KLHL3: variants seen among roughly 807,000 people sequenced by gnomAD.
The protein encoded by KLHL3 is kelch-like protein 3.
Under a neutral mutation model 70.5 loss-of-function variants are expected in KLHL3, and 19 were observed. The ratio of observed to expected loss-of-function variants is 0.27; its 90% CI spans 0.19 to 0.40. The LOEUF is 0.40. Among genes scored for constraint, KLHL3 ranks in the 10% least tolerant of loss-of-function variants. The pLI is 1.00. For missense variants in KLHL3, 512 were observed against 771.1 expected (o/e 0.66, Z 3.98); for synonymous variants, 258 against 290.3 (o/e 0.89, Z 1.13).
At chr5:137,643,180 G>A (rs143779173) in intron 8 of KLHL3, among the ~76,000 whole-genome samples, 1,691 of 151,864 alleles carry the variant, frequency 0.011, 17 homozygotes, top group Admixed American at 0.017. Context: ...GTGAAACCCC[G>A]TCTCTACAAA....
chr5:137,691,008 T>C (rs918324871), intron 5 of KLHL3, among the ~76,000 whole-genome samples: 3 of 152,206 alleles, frequency 2.0e-5, no homozygotes, highest in African/African-American at 7.2e-5. Context: ...CAAGTGGCAA[T>C]GAAGATTTCT....
chr5:137,719,917 CCT>C (rs1490409743), intron 2 of KLHL3, among the ~76,000 whole-genome samples: 3 of 152,084 alleles, frequency 2.0e-5, no homozygotes, highest in Non-Finnish European at 4.4e-5. Context: ...GGATTTTTCC[CCT>C]GTGATTAATC....
At chr5:137,685,588 T>C (rs1752142307) in intron 5 of KLHL3, among the ~76,000 whole-genome samples, 1 of 152,240 alleles carries the variant, frequency 6.6e-6, no homozygotes, top group African/African-American at 2.4e-5. Context: ...TGAGTATAAA[T>C]TGCTTTTATT....
intron 13 of KLHL3, among the ~76,000 whole-genome samples, chr5:137,627,755 C>T (rs1225969927): frequency 1.3e-5 from 2 of 152,128 alleles, no homozygotes; most frequent in East Asian, 1.9e-4. Context: ...ATCTTTCCTA[C>T]AGGAAGGCAT....
Position 137,626,816 on chromosome 5 carries a change from C to A in KLHL3, c.1592-920G>T, listed in dbSNP as rs995323583. 3.3e-5 allele frequency among the ~76,000 whole-genome samples: 5 copies of A among 152,090 alleles called. No individual in the cohort carries two copies. In the South Asian group the frequency reaches 8.3e-4, roughly 25 times the overall value. ...CCCAGGAGTTCAAGACCAACCTGGG[C>A]AACATGGTGAAACCCTGTCTCTACA... On this transcript the variant is annotated intron_variant, in intron 13 of 14. Transcript: ENST00000309755.
intron 14 of KLHL3, among the ~76,000 whole-genome samples, chr5:137,622,596 C>T (rs1291962870): frequency 6.6e-6 from 1 of 152,250 alleles, no homozygotes; most frequent in Non-Finnish European, 1.5e-5. Flanking sequence ...ATTCCTAGCT[C>T]TGCCACCAGT....
chr5:137,663,056 C>CTTTTTTTTTTTTTT (rs139890036), intron 6 of KLHL3, among the ~76,000 whole-genome samples: 15 of 77,922 alleles, frequency 1.9e-4, no homozygotes, highest in East Asian at 4.3e-4. Context: ...AGCACTCGTT[C>CTTTTTTTTTTTTTT]TTTTTTTTTT....
intron 4 of KLHL3, among the ~76,000 whole-genome samples, chr5:137,694,519 G>T (rs528279978): frequency 3.9e-5 from 6 of 152,100 alleles, no homozygotes; most frequent in African/African-American, 1.2e-4. Context: ...CAGCCCGGCC[G>T]AACAGATTCC....
chr5:137,722,102 G>T (rs1256761858), intron 1 of KLHL3, among the ~76,000 whole-genome samples: 2 of 152,182 alleles, frequency 1.3e-5, no homozygotes, highest in Non-Finnish European at 1.5e-5. Context: ...ACTCTCCTTT[G>T]ATTTTCCCTA....
At chr5:137,677,321 G>A in intron 6 of KLHL3, 1 of 363,524 alleles carries the variant, frequency 2.8e-6, no homozygotes, top group Admixed American at 4.7e-5. Flanking sequence ...GGTGGCGGGT[G>A]CCTATAATCC....
At chr5:137,662,087 A>C in intron 6 of KLHL3, 56 bp from the exon 7 acceptor site, 1 of 664,214 alleles carries the variant, frequency 1.5e-6, no homozygotes, top group Non-Finnish European at 2.5e-6. Context: ...CTTTCAAACA[A>C]CCCTCAATCT....
chr5:137,703,318 A>G (rs1752609116), intron 3 of KLHL3, among the ~76,000 whole-genome samples: 1 of 152,246 alleles, frequency 6.6e-6, no homozygotes, highest in African/African-American at 2.4e-5. Context: ...CTTCATGGGC[A>G]CTAAGATGGT....
At chr5:137,720,402 G>T in intron 2 of KLHL3, 63 bp downstream of exon 2, 2 of 1,602,246 alleles carry the variant, frequency 1.2e-6, no homozygotes, top group Non-Finnish European at 8.5e-7. Context: ...TCTGTTCTCA[G>T]TCCTTGATGA....
At chr5:137,686,874 A>T (rs1752178559) in intron 5 of KLHL3, among the ~76,000 whole-genome samples, 1 of 152,044 alleles carries the variant, frequency 6.6e-6, no homozygotes, top group Admixed American at 6.5e-5. Context: ...TACTACTTTA[A>T]AAATATTACC....
In KLHL3 at chr5:137,728,980, T is replaced by TA. The variant is rs372903726; in HGVS notation, c.14+6652dup. On this transcript the variant is annotated intron_variant, in intron 1 of 14. Coordinates refer to ENST00000309755, the MANE Select transcript of KLHL3 (RefSeq NM_017415.3). ...GTACCCCTGAACCTAAAATAAAAGT[T>TA]AAAAAAAAAAAAAAGAAAAGAAAAA... Among the ~76,000 whole-genome samples the TA allele has an allele frequency of 9.9e-3, 1,269 of 128,032 alleles. 17 individuals are homozygous for TA. The highest frequency in any genetic ancestry group is 0.031 in the African/African-American group (1,101 of 34,974). 84.0% of individuals were successfully genotyped at this position (128,032 alleles called of 152,430 possible). A position where few individuals can be genotyped will look rare whatever the true frequency, so the allele number is the denominator to read the frequency against.
intron 1 of KLHL3, among the ~76,000 whole-genome samples, chr5:137,728,705 A>G (rs1753123651): frequency 6.6e-6 from 1 of 152,182 alleles, no homozygotes; most frequent in Non-Finnish European, 1.5e-5. Flanking sequence ...GGCAGGGGAT[A>G]GAAGAGTCTC....
At chr5:137,680,496 C>A (rs578170517) in intron 5 of KLHL3, among the ~76,000 whole-genome samples, 1 of 151,896 alleles carries the variant, frequency 6.6e-6, no homozygotes, top group African/African-American at 2.4e-5. Context: ...ATATTACCAG[C>A]CTGTGTTCCC....
intron 11 of KLHL3, among the ~76,000 whole-genome samples, chr5:137,636,565 C>T (rs1324026157): frequency 2.0e-5 from 3 of 152,188 alleles, no homozygotes; most frequent in Non-Finnish European, 4.4e-5. Flanking sequence ...AGAACACCGG[C>T]TTAGGAGTCA....
intron 6 of KLHL3, among the ~76,000 whole-genome samples, chr5:137,667,037 A>T (rs775919996): frequency 1.3e-5 from 2 of 152,160 alleles, no homozygotes; most frequent in Non-Finnish European, 2.9e-5. Flanking sequence ...CTGACTCTCA[A>T]ATGTCTAATA....
Sources: gnomAD v4.1 joint callset for allele counts (sites outside exome capture counted in the v4.1 genomes callset) on GRCh38, gnomAD v4.1.1 for gene constraint, MANE v1.5 for transcripts, NCBI Gene and HGNC (gene_info 2026-07-23, HGNC 2026-07-21) for gene names.